FOCAD: variants seen among roughly 807,000 people sequenced by gnomAD.
The protein encoded by FOCAD is KIAA1797.
A neutral mutation model predicts 225.6 loss-of-function variants in FOCAD; 198 were observed. The ratio of observed to expected loss-of-function variants is 0.88; its 90% CI spans 0.78 to 0.99. FOCAD has a LOEUF of 0.99. Among genes scored for constraint, FOCAD ranks in the 50% least tolerant of loss-of-function variants. The pLI, the probability that FOCAD is intolerant of heterozygous loss-of-function variation, is 0.00. For missense variants in FOCAD, 2,713 were observed against 2,123.6 expected, an observed-to-expected ratio of 1.28 and a Z score of -5.46; for synonymous variants, 897 against 755.0, an observed-to-expected ratio of 1.19 and a Z score of -3.08.
chr9:20,844,349 CTTTTT>C (rs58468376), intron 15 of FOCAD, among the ~76,000 whole-genome samples: 60 of 77,248 alleles, frequency 7.8e-4, no homozygotes, highest in South Asian at 1.2e-3. Context: ...AGGAAATTTC[CTTTTT>C]TTTTTTTTTT....
chr9:20,982,272 A>T (rs1046710600), intron 38 of FOCAD, 85 bp from the exon 39 acceptor site: 2 of 970,666 alleles, frequency 2.1e-6, no homozygotes, highest in Non-Finnish European at 3.2e-6. Context: ...GTTCATGGGG[A>T]TAAGAAAATC....
At chr9:20,769,009 A>G (rs1171733997) in intron 7 of FOCAD, among the ~76,000 whole-genome samples, 2 of 152,028 alleles carry the variant, frequency 1.3e-5, no homozygotes, top group Non-Finnish European at 2.9e-5. Flanking sequence ...ACATAAATGC[A>G]CTCAAGGAAA....
intron 5 of FOCAD, among the ~76,000 whole-genome samples, chr9:20,742,640 A>G (rs1827728323): frequency 6.6e-6 from 1 of 152,216 alleles, no homozygotes; most frequent in Non-Finnish European, 1.5e-5. Context: ...GGTAAAAAGA[A>G]GTTTTCTATA....
At chr9:20,913,285 C>T (rs1474707137) in intron 23 of FOCAD, among the ~76,000 whole-genome samples, 3 of 151,866 alleles carry the variant, frequency 2.0e-5, no homozygotes, top group African/African-American at 7.3e-5. Context: ...TTTTTTCCCA[C>T]TCTGTTCATT....
chr9:20,846,036 T>C (rs1419133358), intron 15 of FOCAD, among the ~76,000 whole-genome samples: 1 of 152,086 alleles, frequency 6.6e-6, no homozygotes, highest in Non-Finnish European at 1.5e-5. Context: ...CTTGCGGAGT[T>C]GCAAGGAGGA....
intron 1 of FOCAD, among the ~76,000 whole-genome samples, chr9:20,691,625 G>T (rs1408687638): frequency 6.6e-6 from 1 of 151,360 alleles, no homozygotes; most frequent in Non-Finnish European, 1.5e-5. Flanking sequence ...GGGACTACAG[G>T]TGCCCGCCAC....
chr9:20,914,797 C>G (rs927438492), intron 23 of FOCAD, among the ~76,000 whole-genome samples: 2 of 152,066 alleles, frequency 1.3e-5, no homozygotes, highest in African/African-American at 4.8e-5. Context: ...TTAAAAGGAC[C>G]ACTCCAGCTG....
intron 37 of FOCAD, among the ~76,000 whole-genome samples, chr9:20,979,383 G>C (rs935374021): frequency 1.3e-5 from 2 of 152,144 alleles, no homozygotes; most frequent in African/African-American, 4.8e-5. Flanking sequence ...CCATAGCCCA[G>C]GCTGGAGTGC....
chr9:20,729,647 G>T (rs1228287314), intron 4 of FOCAD, among the ~76,000 whole-genome samples: 1 of 152,138 alleles, frequency 6.6e-6, no homozygotes. Flanking sequence ...AATGCAGAGG[G>T]TGTGGTAATT....
At chr9:20,949,300 A>G (rs1837473936) in intron 32 of FOCAD, among the ~76,000 whole-genome samples, 1 of 152,122 alleles carries the variant, frequency 6.6e-6, no homozygotes, top group Admixed American at 6.6e-5. Context: ...ACTTCAAAAT[A>G]TTTTCACAGT....
At chr9:20,721,226 C>A (rs1393278243) in intron 4 of FOCAD, among the ~76,000 whole-genome samples, 1 of 152,208 alleles carries the variant, frequency 6.6e-6, no homozygotes, top group Non-Finnish European at 1.5e-5. Flanking sequence ...TAATTTTTGA[C>A]TACTTCAAAT....
intron 12 of FOCAD, 56 bp downstream of exon 12, chr9:20,819,956 G>C (rs1242952953): frequency 7.4e-6 from 8 of 1,075,534 alleles, no homozygotes; most frequent in Non-Finnish European, 1.1e-5. Context: ...ATAATACTTT[G>C]AATTCTTTTT....
intron 28 of FOCAD, among the ~76,000 whole-genome samples, chr9:20,943,012 G>A (rs1272362883): frequency 6.6e-6 from 1 of 152,130 alleles, no homozygotes; most frequent in Non-Finnish European, 1.5e-5. Flanking sequence ...ATCAAATTTT[G>A]TCTAATTATA....
chr9:20,965,037 A>G (rs1323962921), intron 35 of FOCAD, among the ~76,000 whole-genome samples: 2 of 152,202 alleles, frequency 1.3e-5, no homozygotes, highest in Non-Finnish European at 2.9e-5. Flanking sequence ...ATTCATCAAC[A>G]TATAAGTAAT....
chr9:20,908,374 T>A (rs1019922170), intron 22 of FOCAD, among the ~76,000 whole-genome samples: 5 of 151,964 alleles, frequency 3.3e-5, no homozygotes, highest in Non-Finnish European at 7.4e-5. Context: ...AATCTCAAAT[T>A]AAAACCTTTT....
At chr9:20,821,744 G>A (rs902588070) in intron 14 of FOCAD, among the ~76,000 whole-genome samples, 1 of 151,856 alleles carries the variant, frequency 6.6e-6, no homozygotes, top group Non-Finnish European at 1.5e-5. Flanking sequence ...CTGTAGTCCT[G>A]CAGTTTCATT....
chr9:20,818,290 T>C (rs901148785), intron 11 of FOCAD, among the ~76,000 whole-genome samples: 1 of 152,152 alleles, frequency 6.6e-6, no homozygotes, highest in African/African-American at 2.4e-5. Context: ...TTATTAGCTA[T>C]ATGGTTTGCA....
intron 4 of FOCAD, chr9:20,726,286 C>T (rs1040599695): frequency 1.3e-5 from 2 of 152,064 alleles, no homozygotes; most frequent in African/African-American, 4.8e-5. Context: ...CTCATGCAAC[C>T]ATTGTTACAG....
At chr9:20,769,953 T>A in intron 7 of FOCAD, 79 bp from the exon 8 acceptor site, 1 of 1,331,384 alleles carries the variant, frequency 7.5e-7, no homozygotes, top group South Asian at 1.3e-5. Context: ...AATTACATTG[T>A]TCAAAGCTTT....
Sources: allele counts gnomAD v4.1 joint callset (sites outside exome capture counted in the v4.1 genomes callset), GRCh38; gene constraint gnomAD v4.1.1; transcripts MANE v1.5; gene names NCBI Gene and HGNC (gene_info 2026-07-23, HGNC 2026-07-21).